Variants in CEP192 observed in about 807,000 individuals in gnomAD.
CEP192 encodes the protein centrosomal protein 192.
Under a neutral mutation model 271.8 loss-of-function variants are expected in CEP192, and 151 were observed. The observed-to-expected ratio is 0.56, with a 90% CI of 0.49 to 0.64. The LOEUF (loss-of-function observed/expected upper bound fraction) is 0.64. Ranked by LOEUF, CEP192 falls within the 30% of genes least tolerant of loss-of-function variation. CEP192 has a pLI of 0.00. For missense variants in CEP192, 2,910 were observed against 3,020.5 expected (o/e 0.96, Z 0.86); for synonymous variants, 995 against 1,076.5 (o/e 0.92, Z 1.48).
chr18:13,096,013 C>T (rs1192563246), intron 35 of CEP192, among the ~76,000 whole-genome samples, 171 bp from the exon 36 acceptor site: 4 of 152,148 alleles, frequency 2.6e-5, no homozygotes, highest in Non-Finnish European at 5.9e-5. Flanking sequence ...TTCCAGGATT[C>T]CTTTTTCCTC....
At chr18:13,121,139 C>T (rs1275816729) in intron 44 of CEP192, among the ~76,000 whole-genome samples, 1 of 152,192 alleles carries the variant, frequency 6.6e-6, no homozygotes, top group Non-Finnish European at 1.5e-5. Context: ...ACATAATTGC[C>T]AGATGAGAGC....
At chr18:13,083,797 T>C (rs1229903451) in intron 30 of CEP192, among the ~76,000 whole-genome samples, 1 of 152,056 alleles carries the variant, frequency 6.6e-6, no homozygotes, top group Non-Finnish European at 1.5e-5. Context: ...ACAGATGGGG[T>C]TTTGGTGTGG....
chr18:13,045,341 A>G (rs761882164), intron 15 of CEP192, among the ~76,000 whole-genome samples: 50 of 152,270 alleles, frequency 3.3e-4, no homozygotes, highest in Middle Eastern at 3.4e-3. Context: ...TCAGCGGTGT[A>G]AGTGCATGGG....
chr18:13,014,627 A>G (rs577174878), intron 5 of CEP192, among the ~76,000 whole-genome samples: 1 of 152,332 alleles, frequency 6.6e-6, no homozygotes, highest in Non-Finnish European at 1.5e-5. Flanking sequence ...ATCTATTTTA[A>G]ATAACAGTAG....
At chr18:13,084,808 G>C (rs2144663616) in intron 30 of CEP192, among the ~76,000 whole-genome samples, 1 of 150,246 alleles carries the variant, frequency 6.7e-6, no homozygotes, top group Admixed American at 6.6e-5. Flanking sequence ...ATCTCATTGT[G>C]GTTTTGATTT....
chr18:13,072,796 C>A lies in CEP192; in HGVS notation c.5390C>A (p.Thr1797Asn). 1 of 1,612,778 alleles carries A rather than the reference C, an allele frequency of 6.2e-7. No individual in the cohort carries two copies. Among genetic ancestry groups the A allele is most frequent in the South Asian group, 1.1e-5 (1 of 91,054 alleles). ...LALRNNSASTTQHLRLLIRGQ... is the reference protein window; with the variant it reads ...LALRNNSASTNQHLRLLIRGQ... ...TTAAGAAATAATTCTGCATCTACAACTCAACATTTACGACTGCTTATTAGA... is the reference window on the plus strand; with the variant it reads ...TTAAGAAATAATTCTGCATCTACAAATCAACATTTACGACTGCTTATTAGA... Residue 1797 changes from threonine (T) to asparagine (N), a missense_variant, in exon 29 of 45, where the codon ACT (threonine) becomes AAT (asparagine). By Grantham distance (65) the Thr-to-Asn change is moderately conservative. Coordinates refer to ENST00000506447, the MANE Select transcript of CEP192 (RefSeq NM_032142.4).
Position 13,056,393 on chromosome 18 carries a change from C to G in CEP192, c.3803C>G (p.Thr1268Arg). The G allele has an allele frequency of 3.1e-6, 5 of 1,614,254 alleles. No individual in the cohort carries two copies. Among genetic ancestry groups the G allele is most frequent in the Non-Finnish European group, 4.2e-6 (5 of 1,180,044 alleles). ...AAPFAQRYLG[T>R]LPSTGSTTLP... is the part of the protein sequence containing the mutation. ...CCTTTTGCTCAGCGGTATTTGGGAA[C>G]ACTCCCTTCAACTGGAAGCACCACC... Residue 1268 changes from threonine (T) to arginine (R), a missense_variant, in exon 19 of 45, where the codon ACA (threonine) becomes AGA (arginine). Physicochemically the swap from Thr to Arg is moderately conservative, Grantham distance 71. Transcript: ENST00000506447.
chr18:12,993,029 A>C (rs571076085), intron 1 of CEP192, among the ~76,000 whole-genome samples: 30 of 152,330 alleles, frequency 2.0e-4, no homozygotes, highest in African/African-American at 7.2e-4. Flanking sequence ...ACAAGGCTAG[A>C]CTTGGGGAGG....
intron 31 of CEP192, 28 bp downstream of exon 31, chr18:13,087,305 A>G (rs776238491): frequency 2.0e-6 from 3 of 1,537,298 alleles, no homozygotes; most frequent in East Asian, 4.5e-5. Flanking sequence ...TGTGCTAAAA[A>G]CATCAACTCA....
chr18:13,007,299 C>G (rs2034043624), intron 3 of CEP192, among the ~76,000 whole-genome samples: 1 of 152,118 alleles, frequency 6.6e-6, no homozygotes, highest in South Asian at 2.1e-4. Flanking sequence ...AAACTTATGA[C>G]TTAGTTTGAA....
chr18:13,009,958 A>T (rs111566593), intron 4 of CEP192, among the ~76,000 whole-genome samples: 1 of 152,160 alleles, frequency 6.6e-6, no homozygotes, highest in South Asian at 2.1e-4. Context: ...CAGGAGTTCA[A>T]TATCAGCCTG....
intron 21 of CEP192, 24 bp downstream of exon 21, chr18:13,059,336 T>G: frequency 6.4e-7 from 1 of 1,567,624 alleles, no homozygotes; most frequent in Non-Finnish European, 8.8e-7. Flanking sequence ...AATGAATCTT[T>G]GTCATACCTG....
chr18:13,007,011 C>T (rs951362397), intron 3 of CEP192, among the ~76,000 whole-genome samples: 48 of 152,238 alleles, frequency 3.2e-4, no homozygotes, highest in African/African-American at 1.0e-3. Flanking sequence ...CACTCTCCTG[C>T]CCTCCCCGAC....
At position 13,069,108 on chromosome 18, in the gene CEP192, A is replaced by G. The variant is rs200655261; in HGVS notation, c.4982A>G (p.Lys1661Arg). 35 of 1,614,174 alleles carry G rather than the reference A, an allele frequency of 2.2e-5. No individual in the cohort carries two copies. The highest frequency in any genetic ancestry group is 4.4e-5 in the South Asian group (4 of 91,084). ...CTCCAGACGATGCATTTCTTGGCCA[A>G]AGTGGCTTCCTCAAGAAAGCAGCAC... ...RDLQTMHFLA[K>R]VASSRKQHLP... is the part of the protein sequence containing the mutation. Residue 1661 changes from lysine to arginine, a missense_variant, in exon 26 of 45, where the codon AAA becomes AGA. Lys to Arg is a conservative substitution (Grantham distance 26, BLOSUM62 2). Transcript: ENST00000506447.
intron 37 of CEP192, among the ~76,000 whole-genome samples, chr18:13,099,926 G>GAA (rs2039627278): frequency 6.6e-6 from 1 of 152,134 alleles, no homozygotes; most frequent in Non-Finnish European, 1.5e-5. Context: ...GAGGATTTTA[G>GAA]CATCCTTAGG....
chr18:13,069,044 C>T, intron 25 of CEP192, 45 bp from the exon 26 acceptor site: 3 of 1,614,040 alleles, frequency 1.9e-6, no homozygotes, highest in Non-Finnish European at 2.5e-6. Flanking sequence ...GCTGATTTCA[C>T]TTTGTGACAG....
chr18:13,125,036 AT>A (rs1022523669), downstream of CEP192: 1 of 244,326 alleles, frequency 4.1e-6, no homozygotes, highest in African/African-American at 2.2e-5. Flanking sequence ...ATATATTTTA[AT>A]GTGGTATATC....
At chr18:13,037,090 A>C (rs776444988) in intron 11 of CEP192, 147 bp from the exon 12 acceptor site, 1 of 542,722 alleles carries the variant, frequency 1.8e-6, no homozygotes, top group Non-Finnish European at 3.3e-6. Flanking sequence ...TAAGCATTTA[A>C]TACAGATGCA....
chr18:13,019,311 C>A, intron 9 of CEP192, 105 bp downstream of exon 9: 1 of 943,910 alleles, frequency 1.1e-6, no homozygotes, highest in Non-Finnish European at 1.5e-6. Context: ...CTGTTGACTT[C>A]TGAAAAATAC....
Sources: allele counts gnomAD v4.1 joint callset (sites outside exome capture counted in the v4.1 genomes callset), GRCh38; gene constraint gnomAD v4.1.1; transcripts MANE v1.5; gene names NCBI Gene and HGNC (gene_info 2026-07-23, HGNC 2026-07-21).